Variants in MB21D2 observed in about 807,000 individuals in gnomAD.
MB21D2 encodes the protein nucleotidyltransferase MB21D2.
In MB21D2, 9 loss-of-function variants were observed where a neutral mutation model predicts 33.3. The ratio of observed to expected loss-of-function variants is 0.27; its 90% CI spans 0.16 to 0.47. The LOEUF (loss-of-function observed/expected upper bound fraction) is 0.47. MB21D2 is among the 20% of genes least tolerant of loss of function. The probability of loss-of-function intolerance (pLI) is 0.99; values close to 1 mark genes in which losing one functional copy is unlikely to be tolerated. For synonymous variants in MB21D2, 241 were observed against 236.3 expected (o/e 1.02, Z -0.18); for missense variants, 540 against 624.6 (o/e 0.86, Z 1.44).
At chr3:192,816,254 G>A (rs1253672864) in intron 1 of MB21D2, among the ~76,000 whole-genome samples, 2 of 151,824 alleles carry the variant, frequency 1.3e-5, no homozygotes, top group Admixed American at 1.3e-4. Context: ...CTTGAGAAAG[G>A]TTATTAAAGG....
At chr3:192,828,199 G>A (rs374032353) in intron 1 of MB21D2, among the ~76,000 whole-genome samples, 13 of 152,036 alleles carry the variant, frequency 8.6e-5, no homozygotes, top group East Asian at 5.8e-4. Context: ...CTAATACGAC[G>A]TTCTTTGGAT....
intron 1 of MB21D2, among the ~76,000 whole-genome samples, chr3:192,871,523 A>G (rs1177880813): frequency 6.6e-6 from 1 of 152,210 alleles, no homozygotes; most frequent in African/African-American, 2.4e-5. Context: ...ATAACAACGA[A>G]TAGACATTAG....
intron 1 of MB21D2, among the ~76,000 whole-genome samples, chr3:192,836,520 TATAAG>T (rs1712442759): frequency 6.6e-6 from 1 of 152,168 alleles, no homozygotes; most frequent in African/African-American, 2.4e-5. Flanking sequence ...CTGGTAGTCT[TATAAG>T]AAGAGATATC....
At chr3:192,863,908 T>C (rs928439645) in intron 1 of MB21D2, among the ~76,000 whole-genome samples, 5 of 152,200 alleles carry the variant, frequency 3.3e-5, no homozygotes, top group African/African-American at 1.2e-4. Flanking sequence ...GCCAGAACTG[T>C]GAGAAATTAA....
chr3:192,857,836 G>A (rs1286393346), intron 1 of MB21D2, among the ~76,000 whole-genome samples: 1 of 152,046 alleles, frequency 6.6e-6, no homozygotes, highest in Non-Finnish European at 1.5e-5. Context: ...TGATAAAAGC[G>A]GCCTTAGGTC....
At chr3:192,856,630 T>C (rs554841286) in intron 1 of MB21D2, among the ~76,000 whole-genome samples, 108 of 152,268 alleles carry the variant, frequency 7.1e-4, no homozygotes, top group Admixed American at 1.9e-3. Context: ...CTCAGCTCAC[T>C]GCAACCTCTG....
intron 1 of MB21D2, among the ~76,000 whole-genome samples, chr3:192,908,015 T>A (rs955077847): frequency 2.0e-5 from 3 of 152,216 alleles, no homozygotes; most frequent in Non-Finnish European, 4.4e-5. Flanking sequence ...TATGGACATT[T>A]CTTATATTGC....
At chr3:192,870,664 T>C (rs1220555704) in intron 1 of MB21D2, among the ~76,000 whole-genome samples, 5 of 128,774 alleles carry the variant, frequency 3.9e-5, no homozygotes, top group Admixed American at 1.8e-4. Context: ...TGAGCTGAGA[T>C]TGCACCACTG....
At position 192,798,893 on chromosome 3, in the gene MB21D2, C is replaced by A; in HGVS notation, c.969G>T (p.Arg323=). 2 of 1,613,602 alleles carry A rather than the reference C, an allele frequency of 1.2e-6. No homozygotes were observed. The highest frequency in any genetic ancestry group is 1.7e-6 in the Non-Finnish European group (2 of 1,179,810). ...CKAIIIKLLS[R]PKAISPYHLR... is the part of the protein sequence containing the mutation. ...GGTGATAGGGGCTAATAGCCTTGGG[C>A]CGGGACAGCAGTTTAATGATGATGG... is the stretch of plus-strand genomic sequence containing the variant. Residue 323 remains arginine, a synonymous_variant, in exon 2 of 2, where the codon CGG becomes CGT. Transcript: ENST00000392452. The surrounding 1 kb of genome is among the most constrained non-coding windows in gnomAD (Gnocchi z 4.8).
chr3:192,909,217 C>T (rs1054030891), intron 1 of MB21D2, among the ~76,000 whole-genome samples: 31 of 150,862 alleles, frequency 2.1e-4, no homozygotes, highest in Admixed American at 5.9e-4. Flanking sequence ...GATCGCACCA[C>T]TGCACTCCAG....
At chr3:192,889,404 A>T (rs1425483929) in intron 1 of MB21D2, among the ~76,000 whole-genome samples, 1 of 152,166 alleles carries the variant, frequency 6.6e-6, no homozygotes, top group Non-Finnish European at 1.5e-5. Flanking sequence ...AAAGAATTCA[A>T]TGGGCTGCTT....
intron 1 of MB21D2, among the ~76,000 whole-genome samples, chr3:192,817,426 AG>A (rs1026052515): frequency 6.8e-6 from 1 of 147,538 alleles, no homozygotes; most frequent in African/African-American, 2.7e-5. Context: ...GAAGGAGGGA[AG>A]GAAGAAGGGA....
chr3:192,866,128 G>C (rs762390497), intron 1 of MB21D2, among the ~76,000 whole-genome samples: 1 of 151,950 alleles, frequency 6.6e-6, no homozygotes, highest in Admixed American at 6.6e-5. Context: ...ACTGAGACTA[G>C]AGCCACTGAC....
At chr3:192,831,859 C>G (rs1712322571) in intron 1 of MB21D2, among the ~76,000 whole-genome samples, 1 of 152,204 alleles carries the variant, frequency 6.6e-6, no homozygotes, top group Non-Finnish European at 1.5e-5. Flanking sequence ...TGATGGGCAG[C>G]ATCCTGAAGC....
chr3:192,852,802 C>A (rs187384558), intron 1 of MB21D2, among the ~76,000 whole-genome samples: 1 of 152,278 alleles, frequency 6.6e-6, no homozygotes, highest in African/African-American at 2.4e-5. Flanking sequence ...CCACCACTGA[C>A]CCCCACTTCC....
intron 1 of MB21D2, among the ~76,000 whole-genome samples, chr3:192,819,881 G>A (rs1450595806): frequency 6.6e-6 from 1 of 152,172 alleles, no homozygotes; most frequent in Non-Finnish European, 1.5e-5. Flanking sequence ...TGGAGAGCAG[G>A]CCCTGCAGCT....
At chr3:192,884,931 T>C (rs1713699721) in intron 1 of MB21D2, among the ~76,000 whole-genome samples, 1 of 152,106 alleles carries the variant, frequency 6.6e-6, no homozygotes. Context: ...CAAAAAGATT[T>C]AGTGTCATGC....
At chr3:192,871,822 G>A (rs553984395) in intron 1 of MB21D2, among the ~76,000 whole-genome samples, 261 of 152,138 alleles carry the variant, frequency 1.7e-3, no homozygotes, top group Non-Finnish European at 3.2e-3. Flanking sequence ...GACATGATGG[G>A]GACAACACTG....
rs190159094 is a variant in MB21D2, at chr3:192,889,407, G to C, written c.211+28223C>G. Among the ~76,000 whole-genome samples the C allele has an allele frequency of 5.9e-5, 9 of 152,166 alleles. No homozygotes were observed. In the East Asian group the frequency reaches 1.7e-3, roughly 29 times the overall value. On this transcript the variant is annotated intron_variant, in intron 1 of 1. Transcript: ENST00000392452. ...GCTCTTGGCAGAAAAGAATTCAATGGGCTGCTTATTACAGGAAGTTGATTT... is the reference window on the plus strand; with the variant it reads ...GCTCTTGGCAGAAAAGAATTCAATGCGCTGCTTATTACAGGAAGTTGATTT...
Sources: gnomAD v4.1 joint callset for allele counts (sites outside exome capture counted in the v4.1 genomes callset) on GRCh38, gnomAD v4.1.1 for gene constraint, Gnocchi (gnomAD v3.1) non-coding constraint, MANE v1.5 for transcripts, NCBI Gene and HGNC (gene_info 2026-07-23, HGNC 2026-07-21) for gene names.